Variants in SLIT3 observed in about 807,000 individuals in gnomAD.
SLIT3 encodes slit guidance ligand 3.
A neutral mutation model predicts 184.0 loss-of-function variants in SLIT3; 68 were observed. The ratio of observed to expected loss-of-function variants is 0.37; its 90% CI spans 0.30 to 0.45. The LOEUF is 0.45. SLIT3 is among the 20% of genes least tolerant of loss of function. The pLI, the probability that SLIT3 is intolerant of heterozygous loss-of-function variation, is 1.00. For missense variants in SLIT3, 1,707 were observed against 2,026.0 expected (o/e 0.84, Z 3.02); for synonymous variants, 831 against 828.6 (o/e 1.00, Z -0.05).
chr5:168,902,981 C>T (rs150529930), intron 4 of SLIT3, among the ~76,000 whole-genome samples: 111 of 152,084 alleles, frequency 7.3e-4, no homozygotes, highest in African/African-American at 2.3e-3. Flanking sequence ...GATCTGAGGA[C>T]GAGAAGGAGC....
At chr5:168,682,547 G>A (rs1033186319) in intron 32 of SLIT3, among the ~76,000 whole-genome samples, 4 of 152,174 alleles carry the variant, frequency 2.6e-5, no homozygotes, top group East Asian at 3.8e-4. Flanking sequence ...TGGGGACCAC[G>A]CTTTGAGAAC....
intron 4 of SLIT3, among the ~76,000 whole-genome samples, chr5:168,962,468 T>A (rs1267870823): frequency 1.3e-5 from 2 of 152,164 alleles, no homozygotes; most frequent in African/African-American, 4.8e-5. Context: ...CCAGACCATG[T>A]GTTTTTGCTT....
intron 5 of SLIT3, among the ~76,000 whole-genome samples, chr5:168,855,025 ATTACTT>A (rs1260312330): frequency 1.3e-5 from 2 of 152,172 alleles, no homozygotes; most frequent in African/African-American, 4.8e-5. Flanking sequence ...TTTCTTTACT[ATTACTT>A]TCAAGGAATA....
chr5:169,064,886 G>A (rs1026815283), intron 4 of SLIT3, among the ~76,000 whole-genome samples: 4 of 152,176 alleles, frequency 2.6e-5, no homozygotes, highest in African/African-American at 9.7e-5. Context: ...TAATGAAACG[G>A]AAATAAGAGC....
At chr5:168,952,945 A>G (rs1762708688) in intron 4 of SLIT3, among the ~76,000 whole-genome samples, 1 of 152,116 alleles carries the variant, frequency 6.6e-6, no homozygotes, top group Non-Finnish European at 1.5e-5. Flanking sequence ...GACCAAGAAC[A>G]CACATCAGGG....
intron 4 of SLIT3, among the ~76,000 whole-genome samples, chr5:169,002,563 C>G (rs1222395013): frequency 6.6e-6 from 1 of 151,916 alleles, no homozygotes; most frequent in Non-Finnish European, 1.5e-5. Context: ...ATTGTGTAGT[C>G]TAGAGCAGGA....
intron 4 of SLIT3, among the ~76,000 whole-genome samples, chr5:169,020,852 A>T (rs981962944): frequency 3.9e-5 from 6 of 152,192 alleles, no homozygotes; most frequent in African/African-American, 1.4e-4. Context: ...CCACATAATG[A>T]ATTTGTCTTC....
At chr5:168,722,361 T>C in intron 22 of SLIT3, 34 bp from the exon 23 acceptor site, 2 of 1,592,616 alleles carry the variant, frequency 1.3e-6, no homozygotes, top group Non-Finnish European at 1.7e-6. Context: ...CTGTTGTGTC[T>C]TTCTATTCTC....
chr5:169,056,121 A>G (rs1757994565), intron 4 of SLIT3, among the ~76,000 whole-genome samples: 1 of 152,126 alleles, frequency 6.6e-6, no homozygotes, highest in Non-Finnish European at 1.5e-5. Flanking sequence ...AGGGGCTCGG[A>G]GGAGGCAGTG....
intron 4 of SLIT3, among the ~76,000 whole-genome samples, chr5:168,986,025 C>T (rs188117209): frequency 6.6e-6 from 1 of 152,268 alleles, no homozygotes; most frequent in East Asian, 1.9e-4. Context: ...TGTAGTAAGG[C>T]TTTTCAAATG....
intron 4 of SLIT3, among the ~76,000 whole-genome samples, chr5:169,183,724 C>T (rs964507554): frequency 6.6e-6 from 1 of 152,168 alleles, no homozygotes; most frequent in Non-Finnish European, 1.5e-5. Flanking sequence ...GAAGGAGATT[C>T]AAAATGTTTT....
chr5:168,983,665 A>G (rs774477590), intron 4 of SLIT3, among the ~76,000 whole-genome samples: 3 of 152,256 alleles, frequency 2.0e-5, no homozygotes, highest in Non-Finnish European at 4.4e-5. Context: ...TGGTAAATAA[A>G]AATTAAATTA....
intron 4 of SLIT3, among the ~76,000 whole-genome samples, chr5:168,928,219 A>C (rs917204685): frequency 1.3e-5 from 2 of 152,190 alleles, no homozygotes; most frequent in African/African-American, 4.8e-5. Flanking sequence ...CTTCCCTTTA[A>C]AATTGGCTCA....
intron 20 of SLIT3, among the ~76,000 whole-genome samples, chr5:168,742,729 T>C (rs1763673620): frequency 7.0e-6 from 1 of 142,760 alleles, no homozygotes; most frequent in South Asian, 2.4e-4. Context: ...GCTTTCCTCC[T>C]GGGCAAAGAG....
intron 29 of SLIT3, 80 bp downstream of exon 29, chr5:168,692,527 C>T: frequency 3.4e-6 from 3 of 872,526 alleles, no homozygotes; most frequent in South Asian, 3.0e-5. Flanking sequence ...TGCAGAGAGA[C>T]CAGAGACTGC....
chr5:169,031,453 A>T (rs1014453105), intron 4 of SLIT3, among the ~76,000 whole-genome samples: 1 of 152,228 alleles, frequency 6.6e-6, no homozygotes, highest in Non-Finnish European at 1.5e-5. Context: ...GCTATGCAGG[A>T]AAGATCTGTT....
At chr5:168,931,471 G>A (rs1761985035) in intron 4 of SLIT3, among the ~76,000 whole-genome samples, 2 of 152,146 alleles carry the variant, frequency 1.3e-5, no homozygotes, top group Admixed American at 1.3e-4. Context: ...ATGGCCCCTG[G>A]TGTCACTGAG....
intron 4 of SLIT3, among the ~76,000 whole-genome samples, chr5:169,134,957 T>C (rs927749727): frequency 6.6e-6 from 1 of 152,242 alleles, no homozygotes; most frequent in Non-Finnish European, 1.5e-5. Flanking sequence ...CACCACTATA[T>C]ATCCAGTGTC....
intron 4 of SLIT3, among the ~76,000 whole-genome samples, chr5:169,002,646 G>A (rs1273439921): frequency 6.6e-6 from 1 of 152,160 alleles, no homozygotes; most frequent in Non-Finnish European, 1.5e-5. Flanking sequence ...CTAGAAACAG[G>A]GGCTCTAATG....
Sources: allele counts gnomAD v4.1 joint callset (sites outside exome capture counted in the v4.1 genomes callset), GRCh38; gene constraint gnomAD v4.1.1; transcripts MANE v1.5; gene names NCBI Gene and HGNC (gene_info 2026-07-23, HGNC 2026-07-21).